Variants in EPC2 observed in about 807,000 individuals in gnomAD.
EPC2 encodes the protein enhancer of polycomb homolog 2.
In EPC2, 14 loss-of-function variants were observed where a neutral mutation model predicts 92.1. The observed-to-expected ratio is 0.15, with a 90% CI of 0.10 to 0.24. EPC2 has a LOEUF of 0.24. EPC2 is among the 10% of genes least tolerant of loss of function. The pLI, the probability that EPC2 is intolerant of heterozygous loss-of-function variation, is 1.00. For missense variants in EPC2, 755 were observed against 971.5 expected, an observed-to-expected ratio of 0.78 and a Z score of 2.96; for synonymous variants, 340 against 334.7, an observed-to-expected ratio of 1.02 and a Z score of -0.17.
chr2:148,762,551 T>G (rs1240496711), intron 5 of EPC2, 119 bp from the exon 6 acceptor site: 1 of 708,562 alleles, frequency 1.4e-6, no homozygotes, highest in Non-Finnish European at 2.2e-6. Flanking sequence ...CTTTTAAAAG[T>G]AATTTGATTG....
intron 1 of EPC2, among the ~76,000 whole-genome samples, chr2:148,684,568 A>G (rs1230169628): frequency 6.6e-6 from 1 of 152,210 alleles, no homozygotes; most frequent in Non-Finnish European, 1.5e-5. Context: ...ATCACATTGT[A>G]TATGCATCTG....
At chr2:148,768,861 G>A (rs1351408161) in intron 7 of EPC2, among the ~76,000 whole-genome samples, 2 of 152,130 alleles carry the variant, frequency 1.3e-5, no homozygotes, top group Non-Finnish European at 1.5e-5. Context: ...AAATATAATG[G>A]GATGTATAAA....
At chr2:148,647,692 G>C (rs905009686) in intron 1 of EPC2, among the ~76,000 whole-genome samples, 1 of 143,710 alleles carries the variant, frequency 7.0e-6, no homozygotes, top group Non-Finnish European at 1.5e-5. Flanking sequence ...GAGTGCAGTG[G>C]CGCGATCTCA....
At chr2:148,722,748 A>C (rs1055435847) in intron 2 of EPC2, among the ~76,000 whole-genome samples, 2 of 152,242 alleles carry the variant, frequency 1.3e-5, no homozygotes, top group African/African-American at 4.8e-5. Flanking sequence ...CACTATTCAC[A>C]GCAGCAAAGA....
At chr2:148,686,956 G>C (rs756559881) in intron 1 of EPC2, among the ~76,000 whole-genome samples, 23 of 152,168 alleles carry the variant, frequency 1.5e-4, no homozygotes, top group Admixed American at 2.6e-4. Flanking sequence ...TCTGTTCTTT[G>C]AAGCTTTGAA....
At chr2:148,688,815 G>A (rs1299429676) in intron 1 of EPC2, among the ~76,000 whole-genome samples, 1 of 152,128 alleles carries the variant, frequency 6.6e-6, no homozygotes, top group Non-Finnish European at 1.5e-5. Context: ...TTAGGGATAA[G>A]AAATTAACAA....
chr2:148,691,622 C>T (rs1681645411), intron 2 of EPC2: 4 of 1,549,726 alleles, frequency 2.6e-6, no homozygotes, highest in Non-Finnish European at 3.5e-6. Flanking sequence ...TTCTGCCAGG[C>T]ATTTGGGGAC....
chr2:148,755,779 A>T (rs189910668), intron 4 of EPC2, among the ~76,000 whole-genome samples: 23 of 152,272 alleles, frequency 1.5e-4, no homozygotes, highest in Admixed American at 2.6e-4. Context: ...TCTTTAAGAG[A>T]CTGGATCTTA....
chr2:148,756,741 C>T, intron 4 of EPC2, among the ~76,000 whole-genome samples: 1 of 152,174 alleles, frequency 6.6e-6, no homozygotes, highest in East Asian at 1.9e-4. Context: ...TCTCTCTTCC[C>T]TCTGTGAGGC....
At chr2:148,729,076 C>A (rs369643864) in intron 2 of EPC2, among the ~76,000 whole-genome samples, 74 of 93,734 alleles carry the variant, frequency 7.9e-4, no homozygotes, top group African/African-American at 2.5e-3. Flanking sequence ...GGATTGTTTT[C>A]TTTTTGTTAC....
At chr2:148,768,348 A>T (rs922226384) in intron 7 of EPC2, among the ~76,000 whole-genome samples, 1 of 152,202 alleles carries the variant, frequency 6.6e-6, no homozygotes, top group Non-Finnish European at 1.5e-5. Flanking sequence ...TATATTATTT[A>T]ATCTGTTTTT....
chr2:148,732,878 T>C (rs1230796849), intron 2 of EPC2, among the ~76,000 whole-genome samples: 1 of 151,738 alleles, frequency 6.6e-6, no homozygotes, highest in Non-Finnish European at 1.5e-5. Context: ...ATAGCAGACA[T>C]ATTTGTATTT....
intron 1 of EPC2, among the ~76,000 whole-genome samples, chr2:148,648,176 G>A (rs1282852173): frequency 1.3e-5 from 2 of 152,226 alleles, no homozygotes; most frequent in Middle Eastern, 3.2e-3. Flanking sequence ...AACCGTAACA[G>A]TTAAGATTTA....
chr2:148,679,180 A>T (rs1558806862), intron 1 of EPC2, among the ~76,000 whole-genome samples: 1 of 152,206 alleles, frequency 6.6e-6, no homozygotes, highest in Non-Finnish European at 1.5e-5. Flanking sequence ...GCTGCCATTT[A>T]GCTCAGTTTC....
At position 148,744,997 on chromosome 2, in the gene EPC2, C is replaced by CCG. The variant is rs1553448440; in HGVS notation, c.459+1231_459+1232insGC. On this transcript the variant is annotated intron_variant, in intron 3 of 13. Transcript: ENST00000258484. ...ATTTAGCCTATCAGTTTGCCCCCCC[C>CCG]CCCCGCACCATTTTGATGAAAAATA... is the stretch of plus-strand genomic sequence containing the variant. 5.6e-4 allele frequency among the ~76,000 whole-genome samples: 70 copies of CCG among 124,942 alleles called. 4 individuals carry two copies. Among genetic ancestry groups the CCG allele is most frequent in the African/African-American group, 1.9e-3 (69 of 37,080 alleles). 82.0% of individuals were successfully genotyped at this position (124,942 alleles called of 152,430 possible).
intron 2 of EPC2, among the ~76,000 whole-genome samples, chr2:148,701,509 A>G (rs1476837622): frequency 1.3e-5 from 2 of 152,228 alleles, no homozygotes; most frequent in Non-Finnish European, 2.9e-5. Flanking sequence ...ATCTATTGAT[A>G]TGCTCATGTG....
chr2:148,697,728 G>C (rs989357629), intron 2 of EPC2, among the ~76,000 whole-genome samples: 2 of 152,126 alleles, frequency 1.3e-5, no homozygotes, highest in Non-Finnish European at 2.9e-5. Flanking sequence ...ATGTGTGCAC[G>C]CATACACTAG....
chr2:148,753,504 A>T (rs1342278982), intron 3 of EPC2, among the ~76,000 whole-genome samples: 2 of 152,228 alleles, frequency 1.3e-5, no homozygotes, highest in Non-Finnish European at 1.5e-5. Flanking sequence ...TTGGACGCAC[A>T]TAAAAAGAAA....
intron 2 of EPC2, among the ~76,000 whole-genome samples, chr2:148,711,952 T>C (rs1269004886): frequency 6.6e-6 from 1 of 152,182 alleles, no homozygotes; most frequent in Non-Finnish European, 1.5e-5. Flanking sequence ...GTTCCTTTAA[T>C]CTCTATGTGT....
Sources: allele counts gnomAD v4.1 joint callset (sites outside exome capture counted in the v4.1 genomes callset), GRCh38; gene constraint gnomAD v4.1.1; transcripts MANE v1.5; gene names NCBI Gene and HGNC (gene_info 2026-07-23, HGNC 2026-07-21).